The following SLC8A1 variants were observed in gnomAD, a reference collection of about 807,000 sequenced individuals.
SLC8A1 encodes the protein solute carrier family 8 member A1.
A neutral mutation model predicts 68.3 loss-of-function variants in SLC8A1; 18 were observed. That is an observed-to-expected ratio of 0.26 (90% confidence interval 0.18 to 0.39). The LOEUF (loss-of-function observed/expected upper bound fraction) is 0.39, where lower values mean the gene tolerates loss of function less well. Among genes scored for constraint, SLC8A1 ranks in the 10% least tolerant of loss-of-function variants. The pLI is 1.00. For missense variants in SLC8A1, 985 were observed against 1,156.7 expected (o/e 0.85, Z 2.15); for synonymous variants, 475 against 415.5 (o/e 1.14, Z -1.74).
intron 2 of SLC8A1, among the ~76,000 whole-genome samples, chr2:40,410,573 TTTA>T (rs1474263029): frequency 2.6e-5 from 4 of 152,094 alleles, no homozygotes; most frequent in Non-Finnish European, 5.9e-5. Flanking sequence ...AATGTATTCT[TTTA>T]TTTTTTAAAA....
At chr2:40,333,288 A>T (rs1290509620) in intron 2 of SLC8A1, among the ~76,000 whole-genome samples, 1 of 151,906 alleles carries the variant, frequency 6.6e-6, no homozygotes, top group Non-Finnish European at 1.5e-5. Flanking sequence ...AATACGAAAA[A>T]TTTGCCAGGT....
chr2:40,286,018 TC>T (rs924757220), intron 2 of SLC8A1, among the ~76,000 whole-genome samples: 33 of 152,242 alleles, frequency 2.2e-4, no homozygotes, highest in African/African-American at 7.9e-4. Context: ...GGGCAAGTGC[TC>T]CCTAGGAGCC....
chr2:40,179,646 G>A lies in SLC8A1; in HGVS notation c.1809-1791C>T, dbSNP rs576745435. Among the ~76,000 whole-genome samples the A allele has an allele frequency of 9.2e-5, 14 of 152,276 alleles. No homozygotes were observed. The South Asian group carries it at 2.7e-3, about 29-fold the overall frequency. On this transcript the variant is annotated intron_variant, in intron 2 of 7. Transcript: ENST00000406785. ...GAAACAATGAGTGTTTGTAGACAAC[G>A]GAATTTTAACAGCATGGCCATTCTT...
rs2063356342 is a variant in SLC8A1, at chr2:40,253,623, CGAG to C, written c.1809-75771_1809-75769del. 2.0e-5 allele frequency among the ~76,000 whole-genome samples: 3 copies of C among 151,796 alleles called. No individual in the cohort carries two copies. The South Asian group carries it at 6.2e-4, about 32-fold the overall frequency. On this transcript the variant is annotated intron_variant, in intron 2 of 7. Coordinates refer to ENST00000406785, the Ensembl canonical transcript of SLC8A1. ...GGCGGATCACCTGAGGTCAGGAGTT[CGAG>C]GCCAGCCTGACCAACATGGTGAAAC...
chr2:40,460,853 G>A (rs144166342), intron 1 of SLC8A1, among the ~76,000 whole-genome samples: 2,533 of 125,100 alleles, frequency 0.02, 65 homozygotes, highest in African/African-American at 0.067. Context: ...GATTACAGGC[G>A]TGAGCCACCG....
At chr2:40,374,798 A>G (rs1679271301) in intron 2 of SLC8A1, among the ~76,000 whole-genome samples, 1 of 152,080 alleles carries the variant, frequency 6.6e-6, no homozygotes. Flanking sequence ...ATAATAAACC[A>G]TTTCAACTGC....
At chr2:40,218,398 A>G (rs887915113) in intron 2 of SLC8A1, among the ~76,000 whole-genome samples, 2 of 152,210 alleles carry the variant, frequency 1.3e-5, no homozygotes, top group Admixed American at 1.3e-4. Context: ...CTAAATAACA[A>G]AAAATTTGAT....
At chr2:40,488,740 G>T (rs7590554) in intron 1 of SLC8A1, among the ~76,000 whole-genome samples, 104,866 of 151,908 alleles carry the variant, frequency 0.69, 37,874 homozygotes, top group Non-Finnish European at 0.82. Flanking sequence ...TTTGTGCCGT[G>T]TTAATATTAT....
At chr2:40,504,450 G>A (rs982334618) in intron 1 of SLC8A1, among the ~76,000 whole-genome samples, 3 of 151,734 alleles carry the variant, frequency 2.0e-5, no homozygotes, top group African/African-American at 4.8e-5. Context: ...AAGCAAAAAT[G>A]GATAAATGGG....
At chr2:40,332,458 T>C (rs998761177) in intron 2 of SLC8A1, among the ~76,000 whole-genome samples, 2 of 152,088 alleles carry the variant, frequency 1.3e-5, no homozygotes, top group African/African-American at 4.8e-5. Flanking sequence ...TGTTTCCCCT[T>C]ACTTATGTAT....
chr2:40,258,524 C>G (rs2064249403), intron 2 of SLC8A1, among the ~76,000 whole-genome samples: 1 of 140,106 alleles, frequency 7.1e-6, no homozygotes, highest in East Asian at 2.2e-4. Flanking sequence ...AGTGTAAGGG[C>G]TTTGATCTTG....
chr2:40,259,529 G>A (rs536040863), intron 2 of SLC8A1, among the ~76,000 whole-genome samples: 1 of 151,980 alleles, frequency 6.6e-6, no homozygotes, highest in Admixed American at 6.6e-5. Context: ...TGCCCAGGCT[G>A]GAGCACAGTG....
chr2:40,247,433 TA>T (rs2062029051), intron 2 of SLC8A1, among the ~76,000 whole-genome samples: 1 of 71,510 alleles, frequency 1.4e-5, no homozygotes, highest in African/African-American at 4.8e-5. Flanking sequence ...ACAGCATATA[TA>T]TGTGTGTGTG....
intron 2 of SLC8A1, among the ~76,000 whole-genome samples, chr2:40,287,544 C>A (rs1053023330): frequency 6.8e-6 from 1 of 147,312 alleles, no homozygotes; most frequent in South Asian, 2.2e-4. Context: ...GAAGGCAATC[C>A]AATTCCTCAT....
intron 2 of SLC8A1, among the ~76,000 whole-genome samples, chr2:40,351,091 A>G (rs974232575): frequency 1.3e-5 from 2 of 152,172 alleles, no homozygotes; most frequent in Non-Finnish European, 2.9e-5. Flanking sequence ...GTAAAGCATT[A>G]TAAGTGGATT....
chr2:40,481,351 A>G (rs1400586139), intron 1 of SLC8A1, among the ~76,000 whole-genome samples: 1 of 152,248 alleles, frequency 6.6e-6, no homozygotes, highest in Non-Finnish European at 1.5e-5. Context: ...AGAAGACAAA[A>G]GAGACATTGA....
chr2:40,312,271 T>C (rs1209702968), intron 2 of SLC8A1, among the ~76,000 whole-genome samples: 2 of 152,154 alleles, frequency 1.3e-5, no homozygotes, highest in Non-Finnish European at 2.9e-5. Flanking sequence ...TGTTTATTCA[T>C]GAAGTTGAAA....
chr2:40,178,299 G>A (rs961422478), intron 2 of SLC8A1, 88 bp downstream of exon 3: 3 of 963,866 alleles, frequency 3.1e-6, no homozygotes, highest in South Asian at 1.3e-5. Flanking sequence ...TGTGTGCATT[G>A]TAAGTCATGT....
At chr2:40,419,211 C>T (rs557369644) in intron 2 of SLC8A1, among the ~76,000 whole-genome samples, 1 of 152,304 alleles carries the variant, frequency 6.6e-6, no homozygotes, top group African/African-American at 2.4e-5. Context: ...GAATAGGGCC[C>T]AGCCCTTCTG....
Sources: gnomAD v4.1 joint callset for allele counts (sites outside exome capture counted in the v4.1 genomes callset) on GRCh38, gnomAD v4.1.1 for gene constraint, MANE v1.5 for transcripts, NCBI Gene and HGNC (gene_info 2026-07-23, HGNC 2026-07-21) for gene names.